The following NUDT21 variants were observed in gnomAD, a reference collection of about 807,000 sequenced individuals.
NUDT21 encodes cleavage and polyadenylation specificity factor subunit 5.
Under a neutral mutation model 29.8 loss-of-function variants are expected in NUDT21, and 5 were observed. The observed-to-expected ratio is 0.17, with a 90% CI of 0.09 to 0.35. The LOEUF is 0.35. Ranked by LOEUF, NUDT21 falls within the 10% of genes least tolerant of loss-of-function variation. The probability of loss-of-function intolerance (pLI) is 1.00; values close to 1 mark genes in which losing one functional copy is unlikely to be tolerated. For synonymous variants in NUDT21, 113 were observed against 98.5 expected (o/e 1.15, Z -0.87); for missense variants, 76 against 276.0 (o/e 0.28, Z 5.13).
chr16:56,445,448 T>C (rs772883063), intron 3 of NUDT21, among the ~76,000 whole-genome samples: 1 of 152,246 alleles, frequency 6.6e-6, no homozygotes, highest in Non-Finnish European at 1.5e-5. Context: ...ACTCTTTTAG[T>C]TATTTTTAAA....
In NUDT21 at chr16:56,431,358, T is replaced by C. The variant is rs1212263252; in HGVS notation, c.*1354A>G. 6.6e-6 allele frequency: 1 copy of C among 152,132 alleles called. No individual in the cohort carries two copies. Among genetic ancestry groups the C allele is most frequent in the African/African-American group, 2.4e-5 (1 of 41,432 alleles). 9.4% of individuals were successfully genotyped at this position (152,132 alleles called of 1,614,324 possible). ...ACCTACCATGAAGGACATGCACAGTTAGTCACTACTTAACCACCATGTGAG... is the reference window on the plus strand; with the variant it reads ...ACCTACCATGAAGGACATGCACAGTCAGTCACTACTTAACCACCATGTGAG... On this transcript the variant is annotated 3_prime_UTR_variant, in exon 7 of 7. Coordinates refer to ENST00000300291, the MANE Select transcript of NUDT21 (RefSeq NM_007006.3).
chr16:56,436,643 G>C (rs763335071), intron 4 of NUDT21, among the ~76,000 whole-genome samples: 1 of 152,160 alleles, frequency 6.6e-6, no homozygotes, highest in Non-Finnish European at 1.5e-5. Flanking sequence ...CCCAAACCAT[G>C]ATCAAACAAA....
intron 2 of NUDT21, chr16:56,446,903 G>A (rs943822516): frequency 1.7e-5 from 7 of 406,380 alleles, no homozygotes; most frequent in Admixed American, 4.4e-5. Flanking sequence ...TTTCCTCTTC[G>A]TATATATTTA....
rs79917141 is a variant in NUDT21, at chr16:56,434,354, A to G, written c.639T>C (p.Ser213=). 9.4e-4 allele frequency: 1,515 copies of G among 1,611,858 alleles called. 11 individuals are homozygous for G. The African/African-American group carries it at 0.018, about 19-fold the overall frequency. The change falls in exon 6 of 7, where the codon TCT becomes TCC. Residue 213 remains serine, a synonymous_variant. Transcript: ENST00000300291. The stretch of plus-strand genomic sequence containing the variant: ...ACCTGCTCAACAGCTGAGGGAGACT[A>G]GAAATGATGGGTCCATATCCTGGTG... ...DNAPGYGPII[S]SLPQLLSRFN...
chr16:56,440,309 C>A (rs1962145410), intron 3 of NUDT21, among the ~76,000 whole-genome samples: 1 of 152,236 alleles, frequency 6.6e-6, no homozygotes. Flanking sequence ...ACATCTCACA[C>A]TAGTAAAGCA....
intron 2 of NUDT21, 149 bp from the exon 3 acceptor site, chr16:56,446,838 T>C (rs1962224830): frequency 3.8e-6 from 2 of 528,348 alleles, no homozygotes; most frequent in South Asian, 2.8e-5. Flanking sequence ...AGGGGGAGAA[T>C]ATGCTTGAAT....
rs1962313575 is a variant in NUDT21 at position 56,451,300 on chromosome 16, C to T, written c.-98G>A. The T allele has an allele frequency of 2.1e-6, 2 of 947,412 alleles. No individual in the cohort carries two copies. Among genetic ancestry groups the T allele is most frequent in the African/African-American group, 1.6e-5 (1 of 60,992 alleles). The allele number at this position is 947,412 out of a possible 1,614,324, so 58.7% of individuals were successfully genotyped here. Reference sequence around the variant, plus strand: ...TTATCTGCAATCCCCTCAGCGGCTACTGCCCGCCATTAACAGGACAGCGCA... The same window carrying T: ...TTATCTGCAATCCCCTCAGCGGCTATTGCCCGCCATTAACAGGACAGCGCA... On this transcript the variant is annotated 5_prime_UTR_variant, in exon 1 of 7. Coordinates refer to ENST00000300291, the MANE Select transcript of NUDT21 (RefSeq NM_007006.3).
In NUDT21 at chr16:56,441,795, T is replaced by A. The variant is rs1198529064; in HGVS notation, c.382-2049A>T. ...AGTTAATAACTTTCATTTCCTTTGC[T>A]ATCACTAAATTCATTTCCCACATTC... On this transcript the variant is annotated intron_variant, in intron 3 of 6. Transcript: ENST00000300291. 5.3e-5 allele frequency among the ~76,000 whole-genome samples: 8 copies of A among 152,258 alleles called. No individual in the cohort carries two copies. The East Asian group carries it at 1.2e-3, about 22-fold the overall frequency.
intron 4 of NUDT21, among the ~76,000 whole-genome samples, chr16:56,438,091 C>G (rs114837608): frequency 2.6e-5 from 4 of 152,298 alleles, no homozygotes; most frequent in African/African-American, 9.6e-5. Flanking sequence ...TAAGATGACC[C>G]CCAATGATTC....
chr16:56,446,598 T>TCA, intron 3 of NUDT21, 28 bp downstream of exon 3: 1 of 1,333,674 alleles, frequency 7.5e-7, no homozygotes, highest in Non-Finnish European at 1.1e-6. Flanking sequence ...AAGTTGATGG[T>TCA]ATTCAAAGTG....
At chr16:56,451,045 C>A in intron 1 of NUDT21, 42 bp downstream of exon 1, 1 of 1,553,714 alleles carries the variant, frequency 6.4e-7, no homozygotes, top group Non-Finnish European at 8.9e-7. Context: ...TCTATAGGAG[C>A]TTTCACGAGA....
At chr16:56,446,474 T>C in intron 3 of NUDT21, 152 bp downstream of exon 3, 1 of 517,190 alleles carries the variant, frequency 1.9e-6, no homozygotes. Context: ...CTTCAACTTG[T>C]AAAAAAAAAT....
At chr16:56,434,895 C>A in intron 4 of NUDT21, 66 bp from the exon 5 acceptor site, 1 of 969,794 alleles carries the variant, frequency 1.0e-6, no homozygotes, top group Non-Finnish European at 1.6e-6. Flanking sequence ...CATGTTTACT[C>A]CCCAGTATAG....
chr16:56,439,026 C>G (rs1468595901), intron 4 of NUDT21: 4 of 152,132 alleles, frequency 2.6e-5, no homozygotes, highest in African/African-American at 7.2e-5. Flanking sequence ...AAATGAATAG[C>G]TAGGATACAC....
At chr16:56,433,965 G>T (rs1390167131) in intron 6 of NUDT21, among the ~76,000 whole-genome samples, 1 of 152,184 alleles carries the variant, frequency 6.6e-6, no homozygotes, top group Non-Finnish European at 1.5e-5. Context: ...GGGATTACAG[G>T]CATGAGCCAC....
chr16:56,449,924 A>G (rs1339548479), intron 1 of NUDT21, among the ~76,000 whole-genome samples: 1 of 152,136 alleles, frequency 6.6e-6, no homozygotes, highest in African/African-American at 2.4e-5. Flanking sequence ...ACTTTTATAC[A>G]CACAACTATC....
chr16:56,451,148 G>A lies in NUDT21; in HGVS notation c.55C>T (p.Gln19Ter). ...SQTGWPRGVTQFGNKYIQQTK... is the reference protein window; with the variant it reads ...SQTGWPRGVT The stretch of plus-strand genomic sequence containing the variant: ...TGCTGGATGTACTTGTTGCCGAACT[G>A]AGTGACCCCCCGGGGCCAGCCGGTC... Residue 19 changes from glutamine to a stop codon, truncating the protein, a stop_gained, in exon 1 of 7, where the codon CAG becomes TAG. Coordinates refer to ENST00000300291, the MANE Select transcript of NUDT21 (RefSeq NM_007006.3). LOFTEE classifies it high-confidence loss of function. 6.2e-7 allele frequency: 1 copy of A among 1,613,532 alleles called. No homozygotes were observed. Among genetic ancestry groups the A allele is most frequent in the Non-Finnish European group, 8.5e-7 (1 of 1,179,708 alleles).
At chr16:56,443,365 G>A (rs117349585) in intron 3 of NUDT21, among the ~76,000 whole-genome samples, 15,602 of 151,974 alleles carry the variant, frequency 0.1, 1,116 homozygotes, top group Non-Finnish European at 0.15. Context: ...TTGTAGAGAC[G>A]GGGTTTCACC....
intron 3 of NUDT21, among the ~76,000 whole-genome samples, chr16:56,442,578 G>C (rs75874365): frequency 4.6e-5 from 7 of 151,894 alleles, no homozygotes; most frequent in African/African-American, 1.7e-4. Context: ...TTTTATTTTC[G>C]TTTGTAGGAT....
Sources: allele counts gnomAD v4.1 joint callset (sites outside exome capture counted in the v4.1 genomes callset), GRCh38; gene constraint gnomAD v4.1.1; transcripts MANE v1.5; gene names NCBI Gene and HGNC (gene_info 2026-07-23, HGNC 2026-07-21).